UGP2: variants seen among roughly 807,000 people sequenced by gnomAD.
UGP2 encodes UTP--glucose-1-phosphate uridylyltransferase.
A neutral mutation model predicts 49.0 loss-of-function variants in UGP2; 40 were observed. That is an observed-to-expected ratio of 0.82 (90% CI 0.63 to 1.06). UGP2 has a LOEUF of 1.06. Among genes scored for constraint, UGP2 ranks in the 50% least tolerant of loss-of-function variants. The pLI is 0.00. For missense variants in UGP2, 460 were observed against 603.5 expected (o/e 0.76, Z 2.49); for synonymous variants, 225 against 213.0 (o/e 1.06, Z -0.49).
At chr2:63,861,704 CAAAA>C (rs1669864573) in intron 3 of UGP2, among the ~76,000 whole-genome samples, 3 of 131,558 alleles carry the variant, frequency 2.3e-5, no homozygotes, top group African/African-American at 8.4e-5. Context: ...AAAAAAAAAA[CAAAA>C]AAACGACTTT....
chr2:63,865,418 T>C (rs964702069), intron 3 of UGP2, among the ~76,000 whole-genome samples: 10 of 152,270 alleles, frequency 6.6e-5, no homozygotes, highest in Admixed American at 2.0e-4. Flanking sequence ...AAAATATGTT[T>C]ATTGTGCAAC....
At chr2:63,848,595 C>T (rs1329089487) in intron 1 of UGP2, among the ~76,000 whole-genome samples, 2 of 152,156 alleles carry the variant, frequency 1.3e-5, no homozygotes, top group African/African-American at 4.8e-5. Flanking sequence ...AACTCCTGAC[C>T]ATGTGATCCG....
chr2:63,852,038 T>A (rs563445673), intron 1 of UGP2, among the ~76,000 whole-genome samples: 1 of 152,308 alleles, frequency 6.6e-6, no homozygotes, highest in African/African-American at 2.4e-5. Flanking sequence ...GATTATACCC[T>A]TATGGCTTAC....
chr2:63,891,268 C>G lies in UGP2; in HGVS notation c.*41C>G. Reference sequence around the variant, plus strand: ...GGACACTTAAATAATGGGCTAGTTTCTTACAATGAAATGTTCTCTAGGATT... The same window carrying G: ...GGACACTTAAATAATGGGCTAGTTTGTTACAATGAAATGTTCTCTAGGATT... On this transcript the variant is annotated 3_prime_UTR_variant, in exon 10 of 10. Transcript: ENST00000337130. 6.6e-7 allele frequency: 1 copy of G among 1,524,314 alleles called. No individual in the cohort carries two copies. The highest frequency in any genetic ancestry group is 9.1e-7 in the Non-Finnish European group (1 of 1,101,140). 94.4% of individuals were successfully genotyped at this position (1,524,314 alleles called of 1,614,324 possible).
At chr2:63,890,211 TTTCTTACA>T (rs1321393805) in intron 9 of UGP2, 26 bp downstream of exon 9, 1 of 1,527,726 alleles carries the variant, frequency 6.5e-7, no homozygotes, top group Non-Finnish European at 9.0e-7. Flanking sequence ...GAAAATTATA[TTTCTTACA>T]GCTTACAATA....
intron 1 of UGP2, among the ~76,000 whole-genome samples, chr2:63,852,881 C>T (rs1375822388): frequency 6.6e-6 from 1 of 151,998 alleles, no homozygotes; most frequent in Non-Finnish European, 1.5e-5. Flanking sequence ...ACAGGGTGGG[C>T]AAAAGAGTAA....
chr2:63,887,463 G>C lies in UGP2; in HGVS notation c.1133G>C (p.Ser378Thr), dbSNP rs1230330084. The change falls in exon 8 of 10, where the codon AGT becomes ACT. Residue 378 changes from serine to threonine, a missense_variant. By Grantham distance (58) the Ser-to-Thr change is moderately conservative. Coordinates refer to ENST00000337130, the MANE Select transcript of UGP2 (RefSeq NM_006759.4). ...ACTGCAGTAGGGGCTGCCATCAAAA[G>C]TTTTGAGAATTCTCTAGGTATTAAT... ...LETAVGAAIK[S>T]FENSLGINVP... The C allele has an allele frequency of 6.2e-7, 1 of 1,613,910 alleles. No individual in the cohort carries two copies. Among genetic ancestry groups the C allele is most frequent in the African/African-American group, 1.3e-5 (1 of 74,870 alleles).
chr2:63,848,286 G>A (rs1668805697), intron 1 of UGP2, among the ~76,000 whole-genome samples: 1 of 152,172 alleles, frequency 6.6e-6, no homozygotes, highest in Non-Finnish European at 1.5e-5. Context: ...GTTTGAAATT[G>A]TGGCCATCTT....
At chr2:63,844,685 C>T (rs1330740512) in intron 1 of UGP2, among the ~76,000 whole-genome samples, 2 of 152,170 alleles carry the variant, frequency 1.3e-5, no homozygotes, top group African/African-American at 2.4e-5. Flanking sequence ...CCTCAGCCCC[C>T]TGAGTAGCTG....
chr2:63,887,121 T>C (rs780141891), intron 7 of UGP2, among the ~76,000 whole-genome samples: 2 of 151,954 alleles, frequency 1.3e-5, no homozygotes, highest in Non-Finnish European at 2.9e-5. Flanking sequence ...AAAAACTAGC[T>C]GGGTAGGTGG....
At chr2:63,887,725 C>G (rs1020911128) in intron 8 of UGP2, 81 bp downstream of exon 8, 1 of 1,543,328 alleles carries the variant, frequency 6.5e-7, no homozygotes, top group Non-Finnish European at 8.8e-7. Context: ...GAATTGGAGA[C>G]TAATTACAGT....
At chr2:63,878,163 A>T (rs1575843172) in intron 3 of UGP2, among the ~76,000 whole-genome samples, 1 of 152,104 alleles carries the variant, frequency 6.6e-6, no homozygotes, top group African/African-American at 2.4e-5. Flanking sequence ...TTTTGTGCAA[A>T]CAGCCTATAT....
At chr2:63,882,120 C>A (rs955327844) in intron 3 of UGP2, among the ~76,000 whole-genome samples, 1 of 152,174 alleles carries the variant, frequency 6.6e-6, no homozygotes, top group African/African-American at 2.4e-5. Flanking sequence ...ATGACTTGAT[C>A]ATTTGCTATG....
intron 3 of UGP2, among the ~76,000 whole-genome samples, chr2:63,865,772 C>T (rs577860886): frequency 5.3e-5 from 8 of 151,986 alleles, no homozygotes; most frequent in East Asian, 3.9e-4. Context: ...TGGGCTCAAG[C>T]GATTCTCCTA....
At chr2:63,853,959 G>A (rs533895318) in intron 1 of UGP2, among the ~76,000 whole-genome samples, 2 of 152,290 alleles carry the variant, frequency 1.3e-5, no homozygotes, top group East Asian at 3.9e-4. Context: ...GAATTATCTT[G>A]TCTGTTGATT....
At chr2:63,883,879 T>A (rs529164194) in intron 4 of UGP2, 81 bp from the exon 5 acceptor site, 2 of 1,497,854 alleles carry the variant, frequency 1.3e-6, no homozygotes, top group Admixed American at 4.5e-5. Flanking sequence ...ATTTTATGAT[T>A]TAACCATTAA....
rs146707986 is a variant in UGP2, at chr2:63,842,055, T to A, written c.-131T>A. 9.6e-5 allele frequency: 107 copies of A among 1,119,588 alleles called. No homozygotes were observed. The African/African-American group carries it at 1.4e-3, about 14-fold the overall frequency. 69.4% of individuals were successfully genotyped at this position (1,119,588 alleles called of 1,614,324 possible). The stretch of plus-strand genomic sequence containing the variant: ...TAATCGCTTTGAATAAATACTCCCT[T>A]AAGTAGTTAAATATAGGAGGAGAAA... On this transcript the variant is annotated 5_prime_UTR_variant, in exon 1 of 10. Transcript: ENST00000337130.
intron 9 of UGP2, among the ~76,000 whole-genome samples, chr2:63,890,745 AAAC>A (rs933786508): frequency 3.9e-5 from 6 of 152,200 alleles, no homozygotes; most frequent in African/African-American, 1.2e-4. Flanking sequence ...ACTGTTATAA[AAAC>A]AACAACAAAA....
intron 1 of UGP2, among the ~76,000 whole-genome samples, chr2:63,844,900 C>T (rs1671826398): frequency 6.6e-6 from 1 of 152,200 alleles, no homozygotes; most frequent in African/African-American, 2.4e-5. Context: ...AACCCTAGTC[C>T]TTCCCGACAT....
Sources: allele counts gnomAD v4.1 joint callset (sites outside exome capture counted in the v4.1 genomes callset), GRCh38; gene constraint gnomAD v4.1.1; transcripts MANE v1.5; gene names NCBI Gene and HGNC (gene_info 2026-07-23, HGNC 2026-07-21).